Variants in LIFR observed in about 807,000 individuals in gnomAD.
The protein encoded by LIFR is LIF receptor subunit alpha, also known as leukemia inhibitory factor receptor.
In LIFR, 84 loss-of-function variants were observed where a neutral mutation model predicts 122.2. The ratio of observed to expected loss-of-function variants is 0.69; its 90% CI spans 0.58 to 0.82. LIFR has a LOEUF of 0.82. Ranked by LOEUF, LIFR falls within the 40% of genes least tolerant of loss-of-function variation. LIFR has a pLI of 0.00. For missense variants in LIFR, 1,294 were observed against 1,311.6 expected (o/e 0.99, Z 0.21); for synonymous variants, 422 against 434.7 (o/e 0.97, Z 0.36).
At chr5:38,600,533 C>A (rs945962700) in intron 2 of LIFR, among the ~76,000 whole-genome samples, 1 of 152,178 alleles carries the variant, frequency 6.6e-6, no homozygotes, top group South Asian at 2.1e-4. Context: ...TCTCAAGTCA[C>A]CTTCCGCAAT....
At chr5:38,560,985 A>G (rs923808227), upstream of LIFR, among the ~76,000 whole-genome samples, 1 of 152,184 alleles carries the variant, frequency 6.6e-6, no homozygotes, top group Non-Finnish European at 1.5e-5. Flanking sequence ...TTAAAAAAGA[A>G]AAGTTGAAAT....
chr5:38,563,960 A>G (rs570669211), intron 1 of LIFR, among the ~76,000 whole-genome samples: 3 of 152,162 alleles, frequency 2.0e-5, no homozygotes, highest in Non-Finnish European at 4.4e-5. Flanking sequence ...AGGCTTTGAC[A>G]AAGTTGGGTT....
At position 38,496,476 on chromosome 5, in the gene LIFR, T is replaced by C. The variant is rs765320243; in HGVS notation, c.1791A>G (p.Arg597=). The C allele has an allele frequency of 6.2e-7, 1 of 1,614,168 alleles. No homozygotes were observed. The highest frequency in any genetic ancestry group is 1.1e-5 in the South Asian group (1 of 91,086). ...IPDPQHKAEI[R]LDKNDYIISV... ...TGATGATGTAGTCATTCTTATCAAG[T>C]CGTATCTCTGCTTTGTGCTGAGGAT... Residue 597 remains arginine (R), a synonymous_variant, in exon 13 of 20, where the codon CGA becomes CGG. Transcript: ENST00000453190.
chr5:38,486,161 C>T (rs536426073), intron 16 of LIFR, among the ~76,000 whole-genome samples, 181 bp from the exon 17 acceptor site: 162 of 152,246 alleles, frequency 1.1e-3, no homozygotes, highest in Non-Finnish European at 2.2e-3. Flanking sequence ...TTAGCTGTGT[C>T]GTATGGGCCC....
chr5:38,507,582 A>AAG (rs1745561706), intron 7 of LIFR, among the ~76,000 whole-genome samples: 1 of 151,216 alleles, frequency 6.6e-6, no homozygotes, highest in African/African-American at 2.4e-5. Context: ...AAAAAAAAAA[A>AAG]GTGATAAATT....
intron 18 of LIFR, among the ~76,000 whole-genome samples, chr5:38,483,110 G>A (rs1027111498): frequency 8.6e-5 from 13 of 152,004 alleles, no homozygotes; most frequent in African/African-American, 2.9e-4. Context: ...AAAACTAAAT[G>A]CAGCCAAAAA....
intron 1 of LIFR, among the ~76,000 whole-genome samples, chr5:38,531,224 G>A (rs1439391112): frequency 6.6e-6 from 1 of 152,156 alleles, no homozygotes; most frequent in Non-Finnish European, 1.5e-5. Context: ...GGATCCCCCA[G>A]AGTAATGAAA....
Position 38,478,960 on chromosome 5 carries a change from C to T in LIFR, c.*2635G>A, listed in dbSNP as rs566334614. 4.3e-5 allele frequency: 10 copies of T among 230,442 alleles called. No individual in the cohort carries two copies. The South Asian group carries it at 1.5e-3, about 34-fold the overall frequency. 14.3% of individuals were successfully genotyped at this position (230,442 alleles called of 1,614,324 possible). The stretch of plus-strand genomic sequence containing the variant: ...TCCAAGGGAGAAGCCACGAATCTAA[C>T]TGGACAGAGCACAATCAGTATGAGA... On this transcript the variant is annotated 3_prime_UTR_variant, in exon 20 of 20. Transcript: ENST00000453190.
At chr5:38,514,882 G>A (rs1467966573) in intron 5 of LIFR, among the ~76,000 whole-genome samples, 3 of 152,158 alleles carry the variant, frequency 2.0e-5, no homozygotes, top group Non-Finnish European at 4.4e-5. Flanking sequence ...GAGGATGCCC[G>A]TAGGTTGTAT....
chr5:38,548,536 CAT>C (rs1271774470), intron 1 of LIFR, among the ~76,000 whole-genome samples: 1 of 152,176 alleles, frequency 6.6e-6, no homozygotes, highest in Non-Finnish European at 1.5e-5. Flanking sequence ...AGGGCAGAGA[CAT>C]GTGGGTCCAG....
chr5:38,576,916 G>A (rs1443492738), intron 1 of LIFR, among the ~76,000 whole-genome samples: 1 of 152,088 alleles, frequency 6.6e-6, no homozygotes, highest in African/African-American at 2.4e-5. Flanking sequence ...GAAATGGATC[G>A]GACACAATCC....
At chr5:38,554,357 T>C (rs192489200) in intron 1 of LIFR, among the ~76,000 whole-genome samples, 1 of 152,160 alleles carries the variant, frequency 6.6e-6, no homozygotes, top group East Asian at 1.9e-4. Context: ...TCCTGGAAGG[T>C]GATATAAAGA....
At chr5:38,514,496 C>T (rs1211307749) in intron 5 of LIFR, among the ~76,000 whole-genome samples, 2 of 152,196 alleles carry the variant, frequency 1.3e-5, no homozygotes, top group Admixed American at 6.5e-5. Context: ...AAGCATTTTA[C>T]ACTCTGCCCA....
intron 1 of LIFR, among the ~76,000 whole-genome samples, chr5:38,589,256 A>C (rs1481980170): frequency 6.6e-6 from 1 of 152,034 alleles, no homozygotes; most frequent in African/African-American, 2.4e-5. Flanking sequence ...CATTTTAAAA[A>C]TCATATTCTT....
chr5:38,497,598 G>T (rs1215816940), intron 12 of LIFR, among the ~76,000 whole-genome samples: 2 of 151,970 alleles, frequency 1.3e-5, no homozygotes, highest in East Asian at 1.9e-4. Flanking sequence ...GCCCACTACA[G>T]AAAATTTGGA....
chr5:38,506,325 C>T (rs1745478711), intron 8 of LIFR, among the ~76,000 whole-genome samples, 178 bp downstream of exon 8: 1 of 152,036 alleles, frequency 6.6e-6, no homozygotes, highest in South Asian at 2.1e-4. Context: ...AAAGAGGAGA[C>T]ATAAAATTGA....
intron 2 of LIFR, among the ~76,000 whole-genome samples, chr5:38,604,418 T>C (rs2112785373): frequency 6.6e-6 from 1 of 152,282 alleles, no homozygotes; most frequent in African/African-American, 2.4e-5. Flanking sequence ...AAAGCTTATT[T>C]TGCCAAGGCT....
intron 1 of LIFR, among the ~76,000 whole-genome samples, chr5:38,551,259 T>G (rs974765883): frequency 1.3e-5 from 2 of 152,322 alleles, no homozygotes; most frequent in Middle Eastern, 6.8e-3. Flanking sequence ...ATGGAAACAG[T>G]TGGCATCCTG....
chr5:38,549,244 G>C (rs1748062846), intron 1 of LIFR, among the ~76,000 whole-genome samples: 1 of 128,478 alleles, frequency 7.8e-6, no homozygotes, highest in Non-Finnish European at 1.6e-5. Flanking sequence ...ATAATATGTA[G>C]AAAATTGTAC....
Sources: allele counts gnomAD v4.1 joint callset (sites outside exome capture counted in the v4.1 genomes callset), GRCh38; gene constraint gnomAD v4.1.1; transcripts MANE v1.5; gene names NCBI Gene and HGNC (gene_info 2026-07-23, HGNC 2026-07-21).